The following TMEM87A variants were observed in gnomAD, a reference collection of about 807,000 sequenced individuals.
TMEM87A encodes the protein transmembrane protein 87A, also known as Golgi-pH regulating cation channel.
Under a neutral mutation model 90.0 loss-of-function variants are expected in TMEM87A, and 50 were observed. The ratio of observed to expected loss-of-function variants is 0.56; its 90% CI spans 0.44 to 0.70. The LOEUF (loss-of-function observed/expected upper bound fraction) is 0.70. Among genes scored for constraint, TMEM87A ranks in the 30% least tolerant of loss-of-function variants. TMEM87A has a pLI of 0.00. For missense variants in TMEM87A, 577 were observed against 660.5 expected, an observed-to-expected ratio of 0.87 and a Z score of 1.39; for synonymous variants, 226 against 226.7, an observed-to-expected ratio of 1.00 and a Z score of 0.03.
intron 11 of TMEM87A, chr15:42,231,787 A>G: frequency 2.3e-6 from 2 of 884,804 alleles, no homozygotes; most frequent in Non-Finnish European, 1.5e-6. Context: ...GTTTATATAG[A>G]GTATGTTTTT....
intron 6 of TMEM87A, among the ~76,000 whole-genome samples, chr15:42,245,735 T>C (rs1292114632): frequency 1.3e-5 from 2 of 151,974 alleles, no homozygotes; most frequent in Non-Finnish European, 2.9e-5. Flanking sequence ...TTTCGCCATG[T>C]TGGCCAGCCT....
upstream of TMEM87A, chr15:42,273,443 C>T: frequency 6.2e-7 from 1 of 1,609,278 alleles, no homozygotes; most frequent in Non-Finnish European, 8.5e-7. Flanking sequence ...CACCCTCTTC[C>T]GGTTCGTCCC....
intron 2 of TMEM87A, among the ~76,000 whole-genome samples, chr15:42,270,365 G>A (rs114395424): frequency 0.011 from 1,642 of 151,664 alleles, 30 homozygotes; most frequent in African/African-American, 0.038. Context: ...GCAAAACTCC[G>A]TCTCAAAAAA....
intron 15 of TMEM87A, among the ~76,000 whole-genome samples, chr15:42,223,649 C>A (rs987317838): frequency 2.6e-5 from 4 of 152,154 alleles, no homozygotes; most frequent in African/African-American, 9.7e-5. Flanking sequence ...AAGGCCCTCA[C>A]CAGATGCTGA....
At chr15:42,272,252 C>A (rs1234623775) in intron 1 of TMEM87A, 129 bp from the exon 2 acceptor site, 4 of 572,978 alleles carry the variant, frequency 7.0e-6, no homozygotes, top group Admixed American at 3.7e-5. Flanking sequence ...TTAATCAGTT[C>A]ATTCCCTTTA....
At chr15:42,250,998 A>G (rs1379725397) in intron 6 of TMEM87A, among the ~76,000 whole-genome samples, 1 of 151,976 alleles carries the variant, frequency 6.6e-6, no homozygotes, top group Admixed American at 6.6e-5. Flanking sequence ...TTGATTTTCA[A>G]TCACTGATAC....
chr15:42,264,341 A>G (rs2051356158), intron 3 of TMEM87A, 138 bp from the exon 4 acceptor site: 1 of 598,380 alleles, frequency 1.7e-6, no homozygotes, highest in Non-Finnish European at 3.0e-6. Context: ...AGCATCAGAT[A>G]AAGGCTCTAT....
chr15:42,246,216 T>G (rs2050968877), intron 6 of TMEM87A, among the ~76,000 whole-genome samples: 1 of 152,218 alleles, frequency 6.6e-6, no homozygotes, highest in African/African-American at 2.4e-5. Flanking sequence ...CTTCATTTAT[T>G]TTTTTCTTTT....
intron 2 of TMEM87A, among the ~76,000 whole-genome samples, chr15:42,271,008 CCG>C (rs1179177634): frequency 2.6e-5 from 4 of 152,178 alleles, no homozygotes; most frequent in African/African-American, 9.7e-5. Flanking sequence ...TTTTGCACTT[CCG>C]TGAAGACAGT....
chr15:42,270,717 A>G (rs2051505630), intron 2 of TMEM87A, among the ~76,000 whole-genome samples: 1 of 152,206 alleles, frequency 6.6e-6, no homozygotes, highest in Non-Finnish European at 1.5e-5. Flanking sequence ...TCCAAAAGAC[A>G]AGGGTTACTA....
intron 6 of TMEM87A, among the ~76,000 whole-genome samples, chr15:42,255,747 C>T (rs1005808885): frequency 2.8e-4 from 43 of 151,656 alleles, no homozygotes; most frequent in African/African-American, 8.2e-4. Context: ...ATGCAGAGGA[C>T]CTTTCTTCCA....
chr15:42,229,387 TA>T (rs1159352337), intron 12 of TMEM87A, among the ~76,000 whole-genome samples: 3 of 140,114 alleles, frequency 2.1e-5, no homozygotes, highest in African/African-American at 7.9e-5. Context: ...AGAGAAAAAA[TA>T]TAAAAAAGAG....
At chr15:42,217,768 T>C in intron 19 of TMEM87A, 35 bp downstream of exon 19, 1 of 1,606,876 alleles carries the variant, frequency 6.2e-7, no homozygotes, top group Non-Finnish European at 8.5e-7. Flanking sequence ...TTAGTCACCA[T>C]ATACATAATT....
Position 42,249,015 on chromosome 15 carries a change from G to A in TMEM87A, c.505-4848C>T, listed in dbSNP as rs528756985. Among the ~76,000 whole-genome samples, 28 of 152,266 alleles carry A rather than the reference G, an allele frequency of 1.8e-4. No homozygotes were observed. In the South Asian group the frequency reaches 5.6e-3, roughly 30 times the overall value. ...ACTTCTTCCTAGTTTAGTCTTGGGA[G>A]GGTCTATGTGTACAGGAATTTATCC... is the stretch of plus-strand genomic sequence containing the variant. On this transcript the variant is annotated intron_variant, in intron 6 of 19. Coordinates refer to ENST00000389834, the MANE Select transcript of TMEM87A (RefSeq NM_015497.5).
chr15:42,272,997 T>C (rs1349568468), intron 1 of TMEM87A: 8 of 638,458 alleles, frequency 1.3e-5, no homozygotes, highest in Non-Finnish European at 2.3e-5. Flanking sequence ...CACTGAAAGT[T>C]CTGTTTTTCT....
intron 15 of TMEM87A, among the ~76,000 whole-genome samples, chr15:42,225,520 G>T (rs907024663): frequency 2.0e-5 from 3 of 152,124 alleles, no homozygotes; most frequent in African/African-American, 7.2e-5. Context: ...GAGACTCAGT[G>T]TAAGTGATAC....
intron 7 of TMEM87A, among the ~76,000 whole-genome samples, chr15:42,243,588 C>T (rs2050914753): frequency 6.9e-6 from 1 of 145,138 alleles, no homozygotes; most frequent in Non-Finnish European, 1.5e-5. Flanking sequence ...GGCGTGATCT[C>T]GGCTCACCAC....
chr15:42,236,299 A>G (rs1595722477), intron 10 of TMEM87A, 21 bp downstream of exon 10: 5 of 1,597,618 alleles, frequency 3.1e-6, no homozygotes, highest in Middle Eastern at 1.7e-4. Context: ...TTGCTCTTCC[A>G]TACAGGAAGT....
intron 6 of TMEM87A, chr15:42,257,879 CT>C: frequency 1.0e-6 from 1 of 980,124 alleles, no homozygotes; most frequent in African/African-American, 1.7e-5. Flanking sequence ...ATAATATGAT[CT>C]TATTTTGGTT....
Sources: gnomAD v4.1 joint callset for allele counts (sites outside exome capture counted in the v4.1 genomes callset) on GRCh38, gnomAD v4.1.1 for gene constraint, MANE v1.5 for transcripts, NCBI Gene and HGNC (gene_info 2026-07-23, HGNC 2026-07-21) for gene names.